Variants in KAZALD1 observed in about 807,000 individuals in gnomAD.
KAZALD1 encodes the protein kazal-type serine protease inhibitor domain-containing protein 1.
Under a neutral mutation model 27.7 loss-of-function variants are expected in KAZALD1, and 31 were observed. That is an observed-to-expected ratio of 1.12 (90% confidence interval 0.84 to 1.51). The LOEUF (loss-of-function observed/expected upper bound fraction) is 1.51. Ranked by LOEUF, KAZALD1 falls within the 40% of genes most tolerant of loss-of-function variation. The pLI is 0.00. For synonymous variants in KAZALD1, 179 were observed against 182.0 expected, an observed-to-expected ratio of 0.98 and a Z score of 0.13; for missense variants, 444 against 408.9, an observed-to-expected ratio of 1.09 and a Z score of -0.74.
At position 101,066,728 on chromosome 10, in the gene KAZALD1, G is replaced by A. The variant is rs1590102740; in HGVS notation, c.*1808G>A. ...ATAGCTCCTACCGCGTCCACCTGCA[G>A]AGCAGAGGCTCCTCACCAAAAGCCC... is the stretch of plus-strand genomic sequence containing the variant. On this transcript the variant is annotated 3_prime_UTR_variant, in exon 5 of 5. Transcript: ENST00000370200. 1 of 348,874 alleles carries A rather than the reference G, an allele frequency of 2.9e-6. No homozygotes were observed. The highest frequency in any genetic ancestry group is 5.7e-6 in the Non-Finnish European group (1 of 176,174). The allele number at this position is 348,874 out of a possible 1,614,324, so 21.6% of individuals were successfully genotyped here.
Position 101,062,627 on chromosome 10 carries a change from C to A in KAZALD1, c.35C>A (p.Ala12Glu). 1 of 1,577,432 alleles carries A rather than the reference C, an allele frequency of 6.3e-7. No homozygotes were observed. Among genetic ancestry groups the A allele is most frequent in the Non-Finnish European group, 8.5e-7 (1 of 1,170,618 alleles). Residue 12 changes from alanine (A) to glutamate (E), a missense_variant, in exon 2 of 5, where the codon GCG becomes GAG. By Grantham distance (107) the Ala-to-Glu change is moderately radical. Coordinates refer to ENST00000370200, the MANE Select transcript of KAZALD1 (RefSeq NM_030929.5). ...CCGCCGCGGCCCGCAGCTGCCTTGG[C>A]GCTGCCTGTGCTCCTGCTACTGCTG... ...LPPPRPAAAL[A>E]LPVLLLLLVV...
downstream of KAZALD1, chr10:101,067,623 G>A (rs1296740896): frequency 5.9e-6 from 2 of 339,774 alleles, no homozygotes; most frequent in Non-Finnish European, 1.2e-5. Flanking sequence ...CTGTCGTGAG[G>A]AGGAGGGCCG....
At chr10:101,064,151 A>G (rs1590099748) in intron 2 of KAZALD1, 110 bp from the exon 3 acceptor site, 1 of 1,092,940 alleles carries the variant, frequency 9.1e-7, no homozygotes, top group African/African-American at 1.5e-5. Flanking sequence ...CTCAGCATAT[A>G]TTGTGTTCTG....
At position 101,064,628 on chromosome 10, in the gene KAZALD1, G is replaced by T; in HGVS notation, c.800G>T (p.Ser267Ile). 6.2e-7 allele frequency: 1 copy of T among 1,613,696 alleles called. No individual in the cohort carries two copies. Among genetic ancestry groups the T allele is most frequent in the East Asian group, 2.2e-5 (1 of 44,888 alleles). Residue 267 changes from serine (S) to isoleucine (I), a missense_variant, in exon 4 of 5, where the codon AGC (serine) becomes ATC (isoleucine). By Grantham distance (142) the Ser-to-Ile change is moderately radical. Transcript: ENST00000370200. ...CTGGGTCAAGTGGAGGCCCCTGCTA[G>T]CTTGACAGTGCTCACACCTGGTAAG... ...NALGQVEAPA[S>I]LTVLTPDQLN...
At chr10:101,067,520 G>A (rs1419534290), downstream of KAZALD1, 1 of 357,210 alleles carries the variant, frequency 2.8e-6, no homozygotes, top group Non-Finnish European at 5.5e-6. Flanking sequence ...TAGCTGAGCC[G>A]GGCTGGGCGT....
At position 101,065,151 on chromosome 10, in the gene KAZALD1, G is replaced by A. The variant is rs746328964; in HGVS notation, c.*231G>A. The A allele has an allele frequency of 4.8e-5, 25 of 523,858 alleles. No homozygotes were observed. Among genetic ancestry groups the A allele is most frequent in the Non-Finnish European group, 7.2e-5 (21 of 290,858 alleles). 32.5% of individuals were successfully genotyped at this position (523,858 alleles called of 1,614,324 possible). The stretch of plus-strand genomic sequence containing the variant: ...GACCAGGACCGGTGGGGTACAAAGG[G>A]GCCCATGCAGGAGATGCCCTGGCCA... On this transcript the variant is annotated 3_prime_UTR_variant, in exon 5 of 5. Transcript: ENST00000370200.
At position 101,062,539 on chromosome 10, in the gene KAZALD1, C is replaced by T; in HGVS notation, c.-51-3C>T. Reference sequence around the variant, plus strand: ...CTCCTGACCTGGCTTCCCTTCCTGGCAGGGTGCCCGAACGCGCTGATGCCC... The same window carrying T: ...CTCCTGACCTGGCTTCCCTTCCTGGTAGGGTGCCCGAACGCGCTGATGCCC... On this transcript the variant is annotated splice_polypyrimidine_tract_variant and splice_region_variant and intron_variant, in intron 1 of 4. Coordinates refer to ENST00000370200, the MANE Select transcript of KAZALD1 (RefSeq NM_030929.5). 4 of 1,550,282 alleles carry T rather than the reference C, an allele frequency of 2.6e-6. No homozygotes were observed. In the East Asian group the frequency reaches 7.1e-5, roughly 27 times the overall value.
In KAZALD1 at chr10:101,064,361, G is replaced by A. The variant is rs1182826490; in HGVS notation, c.612G>A (p.Glu204=). Residue 204 remains glutamate, a synonymous_variant, in exon 3 of 5, where the codon GAG becomes GAA. Transcript: ENST00000370200. ...EVFAYPMASI[E]WRKDGLDIQL... The stretch of plus-strand genomic sequence containing the variant: ...TTGCCTACCCCATGGCCTCCATCGA[G>A]TGGAGGAAGGATGGCTTGGACATCC... 5 of 1,614,064 alleles carry A rather than the reference G, an allele frequency of 3.1e-6. No individual in the cohort carries two copies. In the African/African-American group the frequency reaches 4.0e-5, roughly 13 times the overall value.
At chr10:101,064,098 T>G in intron 2 of KAZALD1, 163 bp from the exon 3 acceptor site, 1 of 687,856 alleles carries the variant, frequency 1.5e-6, no homozygotes, top group Non-Finnish European at 2.5e-6. Flanking sequence ...CATATCTGTG[T>G]GTACCTGTGT....
Position 101,065,080 on chromosome 10 carries a change from G to C in KAZALD1, c.*160G>C. The C allele has an allele frequency of 1.6e-6, 1 of 619,482 alleles. No homozygotes were observed. Among genetic ancestry groups the C allele is most frequent in the East Asian group, 2.8e-5 (1 of 36,256 alleles). 38.4% of individuals were successfully genotyped at this position (619,482 alleles called of 1,614,324 possible). On this transcript the variant is annotated 3_prime_UTR_variant, in exon 5 of 5. Transcript: ENST00000370200. The stretch of plus-strand genomic sequence containing the variant: ...CTATTTGACTCCAAGGTAGCAGTGT[G>C]GTAGGATAGAGACAAAAGCTGGAGG...
rs1446259417 is a variant in KAZALD1 at position 101,065,136 on chromosome 10, G to A, written c.*216G>A. The stretch of plus-strand genomic sequence containing the variant: ...AGGGAGAGAAGCTGAGACCAGGACC[G>A]GTGGGGTACAAAGGGGCCCATGCAG... On this transcript the variant is annotated 3_prime_UTR_variant, in exon 5 of 5. Coordinates refer to ENST00000370200, the MANE Select transcript of KAZALD1 (RefSeq NM_030929.5). The A allele has an allele frequency of 5.4e-6, 3 of 555,198 alleles. No individual in the cohort carries two copies. The highest frequency in any genetic ancestry group is 9.7e-6 in the Non-Finnish European group (3 of 309,354). 34.4% of individuals were successfully genotyped at this position (555,198 alleles called of 1,614,324 possible). A position where few individuals can be genotyped will look rare whatever the true frequency, so the allele number is the denominator to read the frequency against.
downstream of KAZALD1, chr10:101,068,109 T>C (rs1019662260): frequency 2.1e-5 from 9 of 429,550 alleles, no homozygotes; most frequent in Middle Eastern, 3.4e-4. Context: ...TGGAAAAATC[T>C]GAATAAAAAA....
At chr10:101,063,827 A>G (rs1939237692) in intron 2 of KAZALD1, among the ~76,000 whole-genome samples, 2 of 152,166 alleles carry the variant, frequency 1.3e-5, no homozygotes, top group African/African-American at 4.8e-5. Context: ...TGAGGAGGGA[A>G]CGGCTGCTTT....
At position 101,065,763 on chromosome 10, in the gene KAZALD1, G is replaced by A. The variant is rs1373608234; in HGVS notation, c.*843G>A. The stretch of plus-strand genomic sequence containing the variant: ...ATCCCGCCTTTGAGGGAGGGAGGCT[G>A]GAGCCATATGGCTGGAGGGAAGTTA... On this transcript the variant is annotated 3_prime_UTR_variant, in exon 5 of 5. Transcript: ENST00000370200. Among the ~76,000 whole-genome samples, 1 of 152,248 alleles carries A rather than the reference G, an allele frequency of 6.6e-6. No homozygotes were observed. Among genetic ancestry groups the A allele is most frequent in the Non-Finnish European group, 1.5e-5 (1 of 68,050 alleles).
At position 101,066,418 on chromosome 10, in the gene KAZALD1, T is replaced by C. The variant is rs1459264091; in HGVS notation, c.*1498T>C. On this transcript the variant is annotated 3_prime_UTR_variant, in exon 5 of 5. Coordinates refer to ENST00000370200, the MANE Select transcript of KAZALD1 (RefSeq NM_030929.5). ...CTACTGCTGGCTTGCCCCGGGTCCT[T>C]AAGCCAGCGACAGTTTTTATTGCCG... is the stretch of plus-strand genomic sequence containing the variant. 6.6e-6 allele frequency: 3 copies of C among 456,740 alleles called. No individual in the cohort carries two copies. Among genetic ancestry groups the C allele is most frequent in the South Asian group, 4.6e-5 (3 of 64,574 alleles). The allele number at this position is 456,740 out of a possible 1,614,324, so 28.3% of individuals were successfully genotyped here.
intron 2 of KAZALD1, among the ~76,000 whole-genome samples, chr10:101,063,866 A>G (rs1056329732): frequency 2.0e-5 from 3 of 152,192 alleles, no homozygotes; most frequent in Non-Finnish European, 2.9e-5. Flanking sequence ...GCCTGTTTAG[A>G]AAAGGGGAAG....
downstream of KAZALD1, chr10:101,067,888 G>C (rs371367000): frequency 2.1e-6 from 1 of 470,104 alleles, no homozygotes; most frequent in Non-Finnish European, 4.4e-6. Flanking sequence ...CCCTCACCAC[G>C]CTGGTGGGGG....
Position 101,063,086 on chromosome 10 carries a change from C to G in KAZALD1, c.494C>G (p.Pro165Arg). ...RPDANLTVAH[P>R]GPCESGPQIV... ...GATGCCAACCTCACTGTGGCACACC[C>G]GGGGCCCTGCGAATCGGGTACGCAT... The change falls in exon 2 of 5, where the codon CCG becomes CGG. Residue 165 changes from proline to arginine, a missense_variant. Pro to Arg is a moderately radical substitution (Grantham distance 103). Coordinates refer to ENST00000370200, the MANE Select transcript of KAZALD1 (RefSeq NM_030929.5). 1 of 1,555,096 alleles carries G rather than the reference C, an allele frequency of 6.4e-7. No individual in the cohort carries two copies. Among genetic ancestry groups the G allele is most frequent in the Non-Finnish European group, 8.7e-7 (1 of 1,153,048 alleles).
Position 101,062,536 on chromosome 10 carries a change from T to TG in KAZALD1, c.-51-4dup. The TG allele has an allele frequency of 6.5e-7, 1 of 1,547,702 alleles. No individual in the cohort carries two copies. Among genetic ancestry groups the TG allele is most frequent in the Non-Finnish European group, 8.6e-7 (1 of 1,157,944 alleles). ...GACCTCCTGACCTGGCTTCCCTTCC[T>TG]GGCAGGGTGCCCGAACGCGCTGATG... On this transcript the variant is annotated splice_region_variant and splice_polypyrimidine_tract_variant and intron_variant, in intron 1 of 4. Transcript: ENST00000370200.
Sources: allele counts gnomAD v4.1 joint callset (sites outside exome capture counted in the v4.1 genomes callset), GRCh38; gene constraint gnomAD v4.1.1; transcripts MANE v1.5; gene names NCBI Gene and HGNC (gene_info 2026-07-23, HGNC 2026-07-21).